The following SHISA3 variants were observed in gnomAD, a reference collection of about 807,000 sequenced individuals.
SHISA3 encodes shisa family member 3, also known as protein shisa-3 homolog.
Under a neutral mutation model 19.2 loss-of-function variants are expected in SHISA3, and 15 were observed. The ratio of observed to expected loss-of-function variants is 0.78; its 90% CI spans 0.52 to 1.20. SHISA3 has a LOEUF of 1.20. SHISA3 is among the 50% of genes most tolerant of loss of function. The pLI is 0.00. For missense variants in SHISA3, 327 were observed against 315.7 expected (o/e 1.04, Z -0.27); for synonymous variants, 145 against 135.2 (o/e 1.07, Z -0.50).
Position 42,398,091 on chromosome 4 carries a change from G to C in SHISA3, c.35G>C (p.Gly12Ala). The C allele has an allele frequency of 6.2e-7, 1 of 1,602,628 alleles. No individual in the cohort carries two copies. Among genetic ancestry groups the C allele is most frequent in the Non-Finnish European group, 8.5e-7 (1 of 1,175,356 alleles). The part of the protein sequence containing the change: ...RALLALCLLL[G>A]WLRWGPAGAQ... ...CTGCTGGCGCTTTGCCTTCTCCTTG[G>C]CTGGCTGCGCTGGGGCCCGGCGGGC... The change falls in exon 1 of 2, where the codon GGC (glycine) becomes GCC (alanine). Residue 12 changes from glycine (G) to alanine (A), a missense_variant. Physicochemically the swap from Gly to Ala is moderately conservative, Grantham distance 60. Transcript: ENST00000319234.
In SHISA3 at chr4:42,401,286, G is replaced by A. The variant is rs148621294; in HGVS notation, c.552G>A (p.Glu184=). 22,467 of 1,614,118 alleles carry A rather than the reference G, an allele frequency of 0.014. 221 individuals carry two copies. Among genetic ancestry groups the A allele is most frequent in the Middle Eastern group, 0.022 (134 of 6,062 alleles). Residue 184 remains glutamate (E), a synonymous_variant, in exon 2 of 2, where the codon GAG becomes GAA. Transcript: ENST00000319234. ...GCAGGTTCTCCTTTGCCAGGGCTGA[G>A]CCGGGCTGCCTGGTGCCCTCACCGC... is the stretch of plus-strand genomic sequence containing the variant. ...SIRRFSFARA[E]PGCLVPSPPP...
intron 1 of SHISA3, among the ~76,000 whole-genome samples, chr4:42,400,089 T>G (rs966457873): frequency 3.3e-5 from 5 of 152,198 alleles, no homozygotes; most frequent in Admixed American, 6.5e-5. Context: ...AGGCACACAG[T>G]AGGGACTTAG....
chr4:42,401,591 C>T lies in SHISA3; in HGVS notation c.*140C>T. On this transcript the variant is annotated 3_prime_UTR_variant, in exon 2 of 2. Transcript: ENST00000319234. ...GGAGCATGCTAGGAAAACACAGCAC[C>T]TTCTAATTTGAAAGTTCCTGTCTCC... The T allele has an allele frequency of 1.1e-6, 1 of 883,712 alleles. No homozygotes were observed. Among genetic ancestry groups the T allele is most frequent in the Non-Finnish European group, 1.7e-6 (1 of 601,848 alleles). The allele number at this position is 883,712 out of a possible 1,614,324, so 54.7% of individuals were successfully genotyped here.
chr4:42,397,875 A>C lies in SHISA3; in HGVS notation c.-182A>C. On this transcript the variant is annotated 5_prime_UTR_variant, in exon 1 of 2. The change abolishes the stop of an existing upstream ORF in the 5' untranslated region. Coordinates refer to ENST00000319234, the MANE Select transcript of SHISA3 (RefSeq NM_001080505.3). ...CTGACTCCCGGCCTGCGGAACTCGT[A>C]GTGCAGCCCCTGTCGCCTCCCCGGC... is the stretch of plus-strand genomic sequence containing the variant. The C allele has an allele frequency of 1.9e-6, 1 of 524,276 alleles. No homozygotes were observed. Among genetic ancestry groups the C allele is most frequent in the Non-Finnish European group, 3.2e-6 (1 of 308,138 alleles). 32.5% of individuals were successfully genotyped at this position (524,276 alleles called of 1,614,324 possible).
chr4:42,397,864 G>C lies in SHISA3; in HGVS notation c.-193G>C, dbSNP rs1272442453. ...CGCGCACCATGCTGACTCCCGGCCT[G>C]CGGAACTCGTAGTGCAGCCCCTGTC... On this transcript the variant is annotated 5_prime_UTR_variant, in exon 1 of 2. Coordinates refer to ENST00000319234, the MANE Select transcript of SHISA3 (RefSeq NM_001080505.3). 2.0e-6 allele frequency: 1 copy of C among 501,938 alleles called. No individual in the cohort carries two copies. Among genetic ancestry groups the C allele is most frequent in the Non-Finnish European group, 3.4e-6 (1 of 293,260 alleles). The allele number at this position is 501,938 out of a possible 1,614,324, so 31.1% of individuals were successfully genotyped here.
At chr4:42,400,113 T>G (rs1320756818) in intron 1 of SHISA3, among the ~76,000 whole-genome samples, 2 of 152,232 alleles carry the variant, frequency 1.3e-5, no homozygotes, top group South Asian at 2.1e-4. Flanking sequence ...ATGCAGGCTT[T>G]CTTTCTTCTA....
chr4:42,400,245 T>C lies in SHISA3; in HGVS notation c.278-767T>C, dbSNP rs371896948. ...CTGCCTTGTAGAGAGAGAAGGAAATTGGAGTTTGCTCTGTTTGAGGGATGC... is the reference window on the plus strand; with the variant it reads ...CTGCCTTGTAGAGAGAGAAGGAAATCGGAGTTTGCTCTGTTTGAGGGATGC... On this transcript the variant is annotated intron_variant, in intron 1 of 1. Transcript: ENST00000319234. 3.9e-5 allele frequency among the ~76,000 whole-genome samples: 6 copies of C among 152,288 alleles called. No individual in the cohort carries two copies. In the East Asian group the frequency reaches 1.2e-3, roughly 29 times the overall value.
In SHISA3 at chr4:42,401,500, A is replaced by G. The variant is rs769885865; in HGVS notation, c.*49A>G. ...ACTCAGTCAGATGGCAGACAGGTGGAGCCCTGCTCCCATTGCCACATGCAA... is the reference window on the plus strand; with the variant it reads ...ACTCAGTCAGATGGCAGACAGGTGGGGCCCTGCTCCCATTGCCACATGCAA... On this transcript the variant is annotated 3_prime_UTR_variant, in exon 2 of 2. Transcript: ENST00000319234. 1 of 1,515,752 alleles carries G rather than the reference A, an allele frequency of 6.6e-7. No individual in the cohort carries two copies. Among genetic ancestry groups the G allele is most frequent in the Non-Finnish European group, 8.8e-7 (1 of 1,130,748 alleles). The allele number at this position is 1,515,752 out of a possible 1,614,324, so 93.9% of individuals were successfully genotyped here.
At chr4:42,400,482 A>G (rs1711877125) in intron 1 of SHISA3, among the ~76,000 whole-genome samples, 1 of 152,084 alleles carries the variant, frequency 6.6e-6, no homozygotes, top group African/African-American at 2.4e-5. Flanking sequence ...ATTTCTTTAT[A>G]CTGTTCTTTC....
In SHISA3 at chr4:42,401,223, C is replaced by A. The variant is rs1206849823; in HGVS notation, c.489C>A (p.Ser163Arg). The A allele has an allele frequency of 9.3e-6, 15 of 1,614,218 alleles. No homozygotes were observed. The highest frequency in any genetic ancestry group is 1.6e-4 in the Middle Eastern group (1 of 6,062). ...CCAGGGCACCCTCCCGGCAGTCCAG[C>A]ACAGCCACGAGCTCCAGCTCCACAG... ...TSPRAPSRQS[S>R]TATSSSSTGG... Residue 163 changes from serine to arginine, a missense_variant, in exon 2 of 2, where the codon AGC (serine) becomes AGA (arginine). Transcript: ENST00000319234.
At position 42,401,404 on chromosome 4, in the gene SHISA3, G is replaced by A; in HGVS notation, c.670G>A (p.Glu224Lys). The A allele has an allele frequency of 1.2e-6, 2 of 1,604,084 alleles. No individual in the cohort carries two copies. Among genetic ancestry groups the A allele is most frequent in the Non-Finnish European group, 1.7e-6 (2 of 1,175,562 alleles). Residue 224 changes from glutamate to lysine, a missense_variant, in exon 2 of 2, where the codon GAG becomes AAG. Physicochemically the swap from Glu to Lys is moderately conservative, Grantham distance 56 (BLOSUM62 1). Transcript: ENST00000319234. ...GTATTTCGCTTACCCCCTCCAGCAG[G>A]AGCCCCCACTGCCTGGGAAGAGCTG... is the stretch of plus-strand genomic sequence containing the variant. The part of the protein sequence containing the change: ...PQYFAYPLQQ[E>K]PPLPGKSCPD...
At chr4:42,400,680 C>A (rs1711882032) in intron 1 of SHISA3, among the ~76,000 whole-genome samples, 1 of 152,106 alleles carries the variant, frequency 6.6e-6, no homozygotes, top group Non-Finnish European at 1.5e-5. Flanking sequence ...ATTATTTTAA[C>A]CCCTAAAACT....
At position 42,402,138 on chromosome 4, in the gene SHISA3, A is replaced by G. The variant is rs556654593; in HGVS notation, c.*687A>G. ...GAGTGTATGTAAAATCATTTCCCCC[A>G]CTCACTGGAGGGAGTATTTATTGCA... On this transcript the variant is annotated 3_prime_UTR_variant, in exon 2 of 2. Coordinates refer to ENST00000319234, the MANE Select transcript of SHISA3 (RefSeq NM_001080505.3). The G allele has an allele frequency of 1.3e-5, 2 of 152,282 alleles. No individual in the cohort carries two copies. Among genetic ancestry groups the G allele is most frequent in the Non-Finnish European group, 2.9e-5 (2 of 68,012 alleles). 9.4% of individuals were successfully genotyped at this position (152,282 alleles called of 1,614,324 possible).
In SHISA3 at chr4:42,401,287, C is replaced by A; in HGVS notation, c.553C>A (p.Pro185Thr). 3 of 1,614,134 alleles carry A rather than the reference C, an allele frequency of 1.9e-6. No individual in the cohort carries two copies. Among genetic ancestry groups the A allele is most frequent in the Non-Finnish European group, 2.5e-6 (3 of 1,180,006 alleles). Residue 185 changes from proline (P) to threonine (T), a missense_variant, in exon 2 of 2, where the codon CCG becomes ACG. Pro to Thr is a conservative substitution (Grantham distance 38). Coordinates refer to ENST00000319234, the MANE Select transcript of SHISA3 (RefSeq NM_001080505.3). ...IRRFSFARAE[P>T]GCLVPSPPPP... ...CAGGTTCTCCTTTGCCAGGGCTGAG[C>A]CGGGCTGCCTGGTGCCCTCACCGCC...
chr4:42,399,122 A>G (rs868477392), intron 1 of SHISA3, among the ~76,000 whole-genome samples: 29 of 152,220 alleles, frequency 1.9e-4, no homozygotes, highest in African/African-American at 5.8e-4. Flanking sequence ...GAATCGGAAC[A>G]TCAGGGAAAC....
intron 1 of SHISA3, among the ~76,000 whole-genome samples, chr4:42,399,712 A>G (rs533870044): frequency 6.6e-6 from 1 of 152,366 alleles, no homozygotes; most frequent in African/African-American, 2.4e-5. Flanking sequence ...AACTTGGGCA[A>G]GTTACTTAAC....
chr4:42,397,898 G>A lies in SHISA3; in HGVS notation c.-159G>A, dbSNP rs1711784099. ...GTAGTGCAGCCCCTGTCGCCTCCCC[G>A]GCCCCTGCTATCCCACGCAGGACTG... On this transcript the variant is annotated 5_prime_UTR_variant, in exon 1 of 2. Transcript: ENST00000319234. 1.6e-6 allele frequency: 1 copy of A among 619,718 alleles called. No individual in the cohort carries two copies. Among genetic ancestry groups the A allele is most frequent in the South Asian group, 2.3e-5 (1 of 43,620 alleles). The allele number at this position is 619,718 out of a possible 1,614,324, so 38.4% of individuals were successfully genotyped here. A position where few individuals can be genotyped will look rare whatever the true frequency, so the allele number is the denominator to read the frequency against.
At position 42,401,069 on chromosome 4, in the gene SHISA3, T is replaced by C. The variant is rs1226317828; in HGVS notation, c.335T>C (p.Leu112Pro). ...TCCATCTTCATTGCGTTCATCATCC[T>C]GGGCTCTGTAGTGGCTATTTATTGT... ...VGSIFIAFII[L>P]GSVVAIYCCT... The change falls in exon 2 of 2, where the codon CTG (leucine) becomes CCG (proline). Residue 112 changes from leucine (L) to proline (P), a missense_variant. Physicochemically the swap from Leu to Pro is moderately conservative, Grantham distance 98. Coordinates refer to ENST00000319234, the MANE Select transcript of SHISA3 (RefSeq NM_001080505.3). 6.2e-7 allele frequency: 1 copy of C among 1,614,106 alleles called. No homozygotes were observed. Among genetic ancestry groups the C allele is most frequent in the African/African-American group, 1.3e-5 (1 of 74,936 alleles).
chr4:42,400,630 C>A (rs1397937857), intron 1 of SHISA3, among the ~76,000 whole-genome samples: 1 of 152,166 alleles, frequency 6.6e-6, no homozygotes, highest in Non-Finnish European at 1.5e-5. Context: ...TCTTACTGCT[C>A]ACCGTGATCA....
Sources: allele counts gnomAD v4.1 joint callset (sites outside exome capture counted in the v4.1 genomes callset), GRCh38; gene constraint gnomAD v4.1.1; transcripts MANE v1.5; gene names NCBI Gene and HGNC (gene_info 2026-07-23, HGNC 2026-07-21).